Variants in RARB observed in about 807,000 individuals in gnomAD.
RARB encodes retinoic acid receptor beta.
In RARB, 17 loss-of-function variants were observed where a neutral mutation model predicts 51.9. The ratio of observed to expected loss-of-function variants is 0.33; its 90% confidence interval spans 0.22 to 0.49. The LOEUF (loss-of-function observed/expected upper bound fraction) is 0.49. Among genes scored for constraint, RARB ranks in the 20% least tolerant of loss-of-function variants. The pLI is 0.99. For synonymous variants in RARB, 215 were observed against 195.4 expected (o/e 1.10, Z -0.84); for missense variants, 369 against 550.8 (o/e 0.67, Z 3.30).
chr3:25,428,248 A>G, upstream of RARB: 1 of 1,232,342 alleles, frequency 8.1e-7, no homozygotes, highest in African/African-American at 1.6e-5. Context: ...TAGGCAATTC[A>G]ATCTTTCATT....
At chr3:25,303,606 T>A (rs1325108687) in intron 5 of RARB, among the ~76,000 whole-genome samples, 1 of 152,186 alleles carries the variant, frequency 6.6e-6, no homozygotes, top group Non-Finnish European at 1.5e-5. Flanking sequence ...CATGGTTGAA[T>A]CTTCATTGAG....
At chr3:24,938,539 A>G (rs1319642341) in intron 2 of RARB, among the ~76,000 whole-genome samples, 2 of 152,214 alleles carry the variant, frequency 1.3e-5, no homozygotes, top group African/African-American at 2.4e-5. Context: ...CCAAACCCAG[A>G]GAGACTATTA....
rs549928128 is a variant in RARB at position 24,890,734 on chromosome 3, C to G, written c.-380+31982C>G. 2.6e-5 allele frequency among the ~76,000 whole-genome samples: 4 copies of G among 152,254 alleles called. No homozygotes were observed. In the East Asian group the frequency reaches 7.7e-4, roughly 29 times the overall value. On this transcript the variant is annotated intron_variant, in intron 2 of 11. Coordinates refer to the RARB transcript ENST00000383772. ...AGTAATATCTGGCCTTATACAAACC[C>G]TTGAATATAGAGGTCTCTGTTCTGT...
intron 3 of RARB, among the ~76,000 whole-genome samples, chr3:25,102,313 G>A (rs541345641): frequency 6.6e-6 from 1 of 152,214 alleles, no homozygotes; most frequent in South Asian, 2.1e-4. Context: ...AGCCGAGGCA[G>A]GTTGATCACC....
intron 2 of RARB, among the ~76,000 whole-genome samples, chr3:24,898,075 T>C (rs1017092306): frequency 5.3e-5 from 8 of 152,110 alleles, no homozygotes; most frequent in African/African-American, 1.9e-4. Flanking sequence ...AAAAATAGAT[T>C]ATTTTTCACT....
At chr3:25,221,804 A>G (rs1701954631) in intron 5 of RARB, among the ~76,000 whole-genome samples, 1 of 152,190 alleles carries the variant, frequency 6.6e-6, no homozygotes, top group Admixed American at 6.5e-5. Flanking sequence ...TTTTTAGCTT[A>G]GAAACTAAGT....
intron 5 of RARB, among the ~76,000 whole-genome samples, chr3:25,268,413 C>T (rs1023206873): frequency 9.2e-5 from 14 of 151,798 alleles, no homozygotes; most frequent in African/African-American, 3.4e-4. Flanking sequence ...AGTCAAGATG[C>T]CATGTGGCCT....
At chr3:25,320,763 T>C (rs9815989) in intron 5 of RARB, among the ~76,000 whole-genome samples, 74,583 of 151,984 alleles carry the variant, frequency 0.49, 19,034 homozygotes, top group East Asian at 0.88. Flanking sequence ...TTACTTTTGT[T>C]TGTTTGTTTT....
intron 3 of RARB, among the ~76,000 whole-genome samples, chr3:25,526,887 A>G (rs1698674447): frequency 6.6e-6 from 1 of 152,222 alleles, no homozygotes; most frequent in East Asian, 1.9e-4. Flanking sequence ...TGAAGGTATC[A>G]TATTATTTGC....
At chr3:25,204,220 C>G (rs528944941) in intron 5 of RARB, among the ~76,000 whole-genome samples, 1 of 152,200 alleles carries the variant, frequency 6.6e-6, no homozygotes, top group South Asian at 2.1e-4. Flanking sequence ...TTGATCGAAT[C>G]AGCTACTGAA....
At chr3:25,103,157 G>A (rs6776699) in intron 3 of RARB, among the ~76,000 whole-genome samples, 107,364 of 152,020 alleles carry the variant, frequency 0.71, 38,894 homozygotes, top group Admixed American at 0.79. Flanking sequence ...CATGAGCTTC[G>A]TTCCCCTCTG....
chr3:24,872,194 C>G (rs902615135), intron 2 of RARB, among the ~76,000 whole-genome samples: 2 of 152,152 alleles, frequency 1.3e-5, no homozygotes, highest in Non-Finnish European at 2.9e-5. Context: ...TACCCCCTTT[C>G]TGATTTCCTC....
chr3:24,938,721 A>G (rs1695595903), intron 2 of RARB, among the ~76,000 whole-genome samples: 1 of 152,186 alleles, frequency 6.6e-6, no homozygotes, highest in African/African-American at 2.4e-5. Flanking sequence ...GTGAATCTAC[A>G]TTCTCCCCGC....
intron 5 of RARB, among the ~76,000 whole-genome samples, chr3:25,268,730 C>G (rs910860260): frequency 5.9e-5 from 9 of 152,154 alleles, no homozygotes; most frequent in African/African-American, 2.2e-4. Context: ...TGGTTTCTCT[C>G]AAACATTGTC....
chr3:25,121,635 AT>A (rs1342002154), intron 3 of RARB, among the ~76,000 whole-genome samples: 18 of 152,216 alleles, frequency 1.2e-4, no homozygotes, highest in African/African-American at 3.9e-4. Context: ...TGCAAAGAAT[AT>A]TTTTTTATGT....
chr3:25,436,069 G>A (rs1460826890), intron 1 of RARB, among the ~76,000 whole-genome samples: 1 of 152,028 alleles, frequency 6.6e-6, no homozygotes. Context: ...TATCTTTTAC[G>A]CTTCATCTTT....
intron 2 of RARB, among the ~76,000 whole-genome samples, chr3:24,872,619 C>A (rs1320444996): frequency 6.6e-6 from 1 of 152,012 alleles, no homozygotes; most frequent in Non-Finnish European, 1.5e-5. Context: ...GGGGTGCCAG[C>A]CTCCATTAAA....
intron 1 of RARB, among the ~76,000 whole-genome samples, chr3:24,838,506 A>G (rs994757552): frequency 2.0e-5 from 3 of 152,210 alleles, no homozygotes; most frequent in African/African-American, 7.2e-5. Context: ...CAGACACTAT[A>G]GCTTGACAAG....
chr3:25,381,489 G>A (rs1028987054), intron 5 of RARB, among the ~76,000 whole-genome samples: 3 of 152,158 alleles, frequency 2.0e-5, no homozygotes, highest in Non-Finnish European at 4.4e-5. Flanking sequence ...CAATTTTTGC[G>A]AGGGTTAAAT....
Sources: gnomAD v4.1 joint callset for allele counts (sites outside exome capture counted in the v4.1 genomes callset) on GRCh38, gnomAD v4.1.1 for gene constraint, MANE v1.5 for transcripts, NCBI Gene and HGNC (gene_info 2026-07-23, HGNC 2026-07-21) for gene names.